Variants in CREM observed in about 807,000 individuals in gnomAD.
The protein encoded by CREM is cAMP responsive element modulator.
In CREM, 13 loss-of-function variants were observed where a neutral mutation model predicts 37.3. The ratio of observed to expected loss-of-function variants is 0.35; its 90% CI spans 0.23 to 0.55. The LOEUF (loss-of-function observed/expected upper bound fraction) is 0.55, where lower values mean the gene tolerates loss of function less well. CREM is among the 20% of genes least tolerant of loss of function. The probability of loss-of-function intolerance (pLI) is 0.88; values close to 1 mark genes in which losing one functional copy is unlikely to be tolerated. For synonymous variants in CREM, 124 were observed against 120.2 expected, an observed-to-expected ratio of 1.03 and a Z score of -0.21; for missense variants, 296 against 362.3, an observed-to-expected ratio of 0.82 and a Z score of 1.49.
Position 35,126,856 on chromosome 10 carries a change from T to C in CREM, c.-392T>C, listed in dbSNP as rs1266199219. 2 of 152,186 alleles carry C rather than the reference T, an allele frequency of 1.3e-5. No individual in the cohort carries two copies. The highest frequency in any genetic ancestry group is 2.9e-5 in the Non-Finnish European group (2 of 68,054). 9.4% of individuals were successfully genotyped at this position (152,186 alleles called of 1,614,324 possible). A position where few individuals can be genotyped will look rare whatever the true frequency, so the allele number is the denominator to read the frequency against. ...CCCCGGTTCCATTTCATTGTTGGAT[T>C]GTGGCGCTTCACTCCTGCTGGCGGC... On this transcript the variant is annotated 5_prime_UTR_variant, in exon 1 of 8. Coordinates refer to ENST00000685392, the MANE Select transcript of CREM (RefSeq NM_183011.2).
At chr10:35,206,869 G>C (rs2095537309) in intron 6 of CREM, 26 bp from the exon 7 acceptor site, 1 of 1,610,862 alleles carries the variant, frequency 6.2e-7, no homozygotes, top group African/African-American at 1.3e-5. Context: ...CTTTATATAA[G>C]CTCAAAATAT....
chr10:35,180,974 A>G (rs537106462), intron 5 of CREM, among the ~76,000 whole-genome samples: 63 of 152,324 alleles, frequency 4.1e-4, no homozygotes, highest in African/African-American at 1.5e-3. Context: ...AAATGACACT[A>G]AGACTTCTCA....
rs191484104 is a variant in CREM at position 35,181,438 on chromosome 10, C to T, written c.409+2162C>T. 2.6e-5 allele frequency among the ~76,000 whole-genome samples: 4 copies of T among 152,290 alleles called. No homozygotes were observed. In the East Asian group the frequency reaches 7.7e-4, roughly 29 times the overall value. On this transcript the variant is annotated intron_variant, in intron 5 of 7. Transcript: ENST00000685392. Reference sequence around the variant, plus strand: ...CATTGAACTTTCCCTCCAGCCAGCCCCAATGGCTTCATTCCCTGTGTCCTT... The same window carrying T: ...CATTGAACTTTCCCTCCAGCCAGCCTCAATGGCTTCATTCCCTGTGTCCTT...
intron 6 of CREM, among the ~76,000 whole-genome samples, chr10:35,188,811 C>T (rs1369609374): frequency 2.6e-5 from 4 of 151,974 alleles, no homozygotes; most frequent in Admixed American, 6.6e-5. Context: ...GCATGAGCCA[C>T]CACGCCTGGC....
intron 2 of CREM, among the ~76,000 whole-genome samples, chr10:35,146,669 G>T (rs977154156): frequency 1.3e-5 from 2 of 152,208 alleles, no homozygotes; most frequent in African/African-American, 2.4e-5. Flanking sequence ...TTAAGGGAAA[G>T]ACATTTTTCT....
chr10:35,146,071 C>T (rs963128221), intron 2 of CREM, among the ~76,000 whole-genome samples: 1 of 152,210 alleles, frequency 6.6e-6, no homozygotes, highest in African/African-American at 2.4e-5. Context: ...CATGACTTAT[C>T]TGCTTTTGTA....
intron 2 of CREM, among the ~76,000 whole-genome samples, chr10:35,147,361 T>C (rs1336630104): frequency 6.6e-6 from 1 of 152,024 alleles, no homozygotes; most frequent in African/African-American, 2.4e-5. Context: ...CCTCTATAGG[T>C]TTTTAAATTT....
intron 5 of CREM, among the ~76,000 whole-genome samples, chr10:35,184,032 C>A (rs1022501461): frequency 1.3e-5 from 2 of 152,164 alleles, no homozygotes; most frequent in African/African-American, 4.8e-5. Flanking sequence ...TGAGATCACA[C>A]GATTGCACTT....
At chr10:35,131,745 GT>G (rs759387049) in intron 1 of CREM, among the ~76,000 whole-genome samples, 19 of 152,088 alleles carry the variant, frequency 1.2e-4, no homozygotes, top group Admixed American at 3.3e-4. Context: ...AATTCAGGTA[GT>G]TTATCTCCTT....
chr10:35,201,701 C>A (rs138979507), intron 6 of CREM, among the ~76,000 whole-genome samples: 2 of 151,914 alleles, frequency 1.3e-5, no homozygotes, highest in Middle Eastern at 3.4e-3. Flanking sequence ...AATGAGAACG[C>A]CTTTGCTTTT....
At chr10:35,140,632 T>G (rs2091287962) in intron 2 of CREM, among the ~76,000 whole-genome samples, 1 of 152,204 alleles carries the variant, frequency 6.6e-6, no homozygotes, top group Admixed American at 6.5e-5. Flanking sequence ...ATACATGTAT[T>G]ATATGCTACA....
intron 6 of CREM, among the ~76,000 whole-genome samples, chr10:35,202,872 A>AT (rs1197934297): frequency 1.3e-5 from 2 of 151,994 alleles, no homozygotes; most frequent in South Asian, 2.1e-4. Flanking sequence ...TTAAAGTGGT[A>AT]TTTTTTTCTG....
intron 1 of CREM, among the ~76,000 whole-genome samples, chr10:35,130,347 A>G (rs2135361417): frequency 6.6e-6 from 1 of 152,268 alleles, no homozygotes; most frequent in African/African-American, 2.4e-5. Context: ...CACAATAAAG[A>G]CTGTGCTGTT....
chr10:35,208,255 AC>A (rs2095582408), intron 7 of CREM, among the ~76,000 whole-genome samples: 1 of 152,114 alleles, frequency 6.6e-6, no homozygotes, highest in Non-Finnish European at 1.5e-5. Context: ...CACTTAGGAT[AC>A]CTCCTATTAT....
chr10:35,172,714 C>CT (rs897446448), intron 3 of CREM, among the ~76,000 whole-genome samples: 3 of 152,056 alleles, frequency 2.0e-5, no homozygotes, highest in Non-Finnish European at 4.4e-5. Flanking sequence ...AAAGCACCCC[C>CT]CCGCTGCGTC....
chr10:35,143,263 C>T (rs923527510), intron 2 of CREM, among the ~76,000 whole-genome samples: 3 of 152,080 alleles, frequency 2.0e-5, no homozygotes, highest in South Asian at 2.1e-4. Flanking sequence ...GCCACCGTGC[C>T]GGGCTGGGAA....
At chr10:35,196,044 C>A in intron 6 of CREM, 1 of 1,613,796 alleles carries the variant, frequency 6.2e-7, no homozygotes, top group South Asian at 1.1e-5. Flanking sequence ...GAGGGAAACA[C>A]GTCATGAAAC....
chr10:35,133,588 G>A (rs1343871913), intron 1 of CREM, among the ~76,000 whole-genome samples: 1 of 152,164 alleles, frequency 6.6e-6, no homozygotes, highest in East Asian at 1.9e-4. Flanking sequence ...CGTGAGCCAT[G>A]GCGCCTGTCC....
chr10:35,154,457 A>G (rs534700888), intron 3 of CREM: 1 of 174,558 alleles, frequency 5.7e-6, no homozygotes, highest in African/African-American at 2.4e-5. Context: ...GTTTTATTGA[A>G]TCTTGTATTT....
Sources: gnomAD v4.1 joint callset for allele counts (sites outside exome capture counted in the v4.1 genomes callset) on GRCh38, gnomAD v4.1.1 for gene constraint, MANE v1.5 for transcripts, NCBI Gene and HGNC (gene_info 2026-07-23, HGNC 2026-07-21) for gene names.